Variants in SCPEP1 observed in about 807,000 individuals in gnomAD.
SCPEP1 encodes the protein serine carboxypeptidase 1.
In SCPEP1, 51 loss-of-function variants were observed where a neutral mutation model predicts 63.8. The ratio of observed to expected loss-of-function variants is 0.80; its 90% CI spans 0.64 to 1.01. The LOEUF is 1.01. Among genes scored for constraint, SCPEP1 ranks in the 50% least tolerant of loss-of-function variants. The probability of loss-of-function intolerance (pLI) is 0.00; values close to 1 mark genes in which losing one functional copy is unlikely to be tolerated. For synonymous variants in SCPEP1, 204 were observed against 207.8 expected (o/e 0.98, Z 0.16); for missense variants, 499 against 554.9 (o/e 0.90, Z 1.01).
intron 12 of SCPEP1, among the ~76,000 whole-genome samples, chr17:57,004,248 G>A (rs981123134): frequency 1.3e-5 from 2 of 152,174 alleles, no homozygotes; most frequent in Non-Finnish European, 2.9e-5. Flanking sequence ...AAATCAACTG[G>A]GCGCGGTGGC....
intron 10 of SCPEP1, 132 bp from the exon 11 acceptor site, chr17:57,000,723 C>T: frequency 9.6e-7 from 1 of 1,043,712 alleles, no homozygotes; most frequent in Non-Finnish European, 1.4e-6. Flanking sequence ...TGGGCTGGTT[C>T]ATCCCTGTTT....
chr17:56,978,135 C>G lies in SCPEP1; in HGVS notation c.-25C>G. On this transcript the variant is annotated 5_prime_UTR_variant, in exon 1 of 13. Coordinates refer to ENST00000262288, the MANE Select transcript of SCPEP1 (RefSeq NM_021626.3). ...ATGGGGCGCCGGGTCCAGCCTGTTG[C>G]TGATGCTGCCGTGCGGTACTTGTCA... is the stretch of plus-strand genomic sequence containing the variant. 1.9e-6 allele frequency: 2 copies of G among 1,065,574 alleles called. No homozygotes were observed. Among genetic ancestry groups the G allele is most frequent in the Non-Finnish European group, 2.7e-6 (2 of 747,730 alleles). 66.0% of individuals were successfully genotyped at this position (1,065,574 alleles called of 1,614,324 possible). A position where few individuals can be genotyped will look rare whatever the true frequency, so the allele number is the denominator to read the frequency against.
Position 56,991,100 on chromosome 17 carries a change from C to A in SCPEP1, c.548C>A (p.Ala183Asp). ...AAGIGLELYK[A>D]IQRGTIKCNF... Reference sequence around the variant, plus strand: ...GACGTTTCTTGTTTCCTCTTTCAGGCCATTCAGCGAGGGACCATCAAGTGC... The same window carrying A: ...GACGTTTCTTGTTTCCTCTTTCAGGACATTCAGCGAGGGACCATCAAGTGC... The change falls in exon 6 of 13, where the codon GCC becomes GAC. Residue 183 changes from alanine (A) to aspartate (D), a missense_variant and splice_region_variant. Coordinates refer to ENST00000262288, the MANE Select transcript of SCPEP1 (RefSeq NM_021626.3). 3 of 1,613,032 alleles carry A rather than the reference C, an allele frequency of 1.9e-6. No individual in the cohort carries two copies. The highest frequency in any genetic ancestry group is 1.7e-6 in the Non-Finnish European group (2 of 1,179,020).
intron 1 of SCPEP1, 26 bp from the exon 2 acceptor site, chr17:56,981,056 A>G (rs3095500): frequency 0.16 from 255,012 of 1,612,240 alleles, 21,322 homozygotes; most frequent in African/African-American, 0.24. Context: ...ACTCTTCTGG[A>G]GAGTGAAATT....
In SCPEP1 at chr17:56,987,831, G is replaced by A. The variant is rs748150413; in HGVS notation, c.452G>A (p.Ser151Asn). 1 of 1,614,088 alleles carries A rather than the reference G, an allele frequency of 6.2e-7. No individual in the cohort carries two copies. The highest frequency in any genetic ancestry group is 8.5e-7 in the Non-Finnish European group (1 of 1,180,002). Reference protein sequence around the residue: ...DMMVLLKTFFSCHKEFQTVPF... With the variant: ...DMMVLLKTFFNCHKEFQTVPF... ...ATGGTTCTCCTGAAGACCTTCTTCA[G>A]TTGCCACAAAGAATTCCAGGTAAGC... Residue 151 changes from serine to asparagine, a missense_variant, in exon 4 of 13, where the codon AGT (serine) becomes AAT (asparagine). Coordinates refer to ENST00000262288, the MANE Select transcript of SCPEP1 (RefSeq NM_021626.3).
chr17:57,001,831 G>A (rs1911747126), intron 11 of SCPEP1, among the ~76,000 whole-genome samples, 187 bp from the exon 12 acceptor site: 1 of 152,202 alleles, frequency 6.6e-6, no homozygotes, highest in South Asian at 2.1e-4. Flanking sequence ...AGGTTTCACT[G>A]GGAGTCAGAA....
At chr17:57,004,879 TG>T (rs1442103477) in intron 12 of SCPEP1, among the ~76,000 whole-genome samples, 3 of 151,368 alleles carry the variant, frequency 2.0e-5, no homozygotes, top group Non-Finnish European at 2.9e-5. Flanking sequence ...TTTTCTTGCA[TG>T]TAGTCACACA....
intron 11 of SCPEP1, 124 bp downstream of exon 11, chr17:57,001,116 C>T: frequency 2.0e-6 from 2 of 1,017,424 alleles, no homozygotes; most frequent in Non-Finnish European, 3.0e-6. Flanking sequence ...GGCCATTTCC[C>T]ATTACATCCG....
rs1329476390 is a variant in SCPEP1 at position 57,006,154 on chromosome 17, A to C, written c.1297-19A>C. 6.2e-7 allele frequency: 1 copy of C among 1,602,438 alleles called. No homozygotes were observed. The highest frequency in any genetic ancestry group is 8.5e-7 in the Non-Finnish European group (1 of 1,173,088). On this transcript the variant is annotated intron_variant, in intron 12 of 12. Coordinates refer to ENST00000262288, the MANE Select transcript of SCPEP1 (RefSeq NM_021626.3). Reference sequence around the variant, plus strand: ...GGAATAGCACCAGGAGCACTAACTCAGATGTTGTTTTTTTCTAGGTTCCTT... The same window carrying C: ...GGAATAGCACCAGGAGCACTAACTCCGATGTTGTTTTTTTCTAGGTTCCTT...
At chr17:56,990,308 C>T (rs921315315) in intron 5 of SCPEP1, among the ~76,000 whole-genome samples, 5 of 152,016 alleles carry the variant, frequency 3.3e-5, no homozygotes, top group African/African-American at 1.2e-4. Flanking sequence ...CCTTCTATCT[C>T]CTATGTTTGA....
At chr17:56,982,675 G>C (rs1911103567) in intron 2 of SCPEP1, 1 of 152,088 alleles carries the variant, frequency 6.6e-6, no homozygotes, top group Non-Finnish European at 1.5e-5. Context: ...TCCTCCTCTG[G>C]GCCTTGGCTG....
chr17:56,990,969 A>G, intron 5 of SCPEP1, 130 bp from the exon 6 acceptor site: 1 of 753,282 alleles, frequency 1.3e-6, no homozygotes, highest in South Asian at 1.5e-5. Flanking sequence ...TGGGGGTCTC[A>G]CTACATTGCC....
intron 9 of SCPEP1, 52 bp from the exon 10 acceptor site, chr17:56,998,333 T>TCTTGGCCTTA: frequency 8.8e-7 from 1 of 1,141,910 alleles, no homozygotes; most frequent in Non-Finnish European, 1.3e-6. Context: ...AAAGATGTCC[T>TCTTGGCCTTA]CTTGGCCTTA....
At chr17:56,994,796 C>T in intron 6 of SCPEP1, 185 bp from the exon 7 acceptor site, 1 of 531,826 alleles carries the variant, frequency 1.9e-6, no homozygotes, top group South Asian at 2.2e-5. Context: ...CTTATCCCAC[C>T]TTCCAGACAC....
At chr17:56,998,850 A>G (rs1911653727) in intron 10 of SCPEP1, among the ~76,000 whole-genome samples, 1 of 152,178 alleles carries the variant, frequency 6.6e-6, no homozygotes, top group East Asian at 1.9e-4. Flanking sequence ...ACTACTTGGG[A>G]GGCTGAGGTG....
At chr17:56,978,889 C>G (rs902829650) in intron 1 of SCPEP1, among the ~76,000 whole-genome samples, 3 of 152,084 alleles carry the variant, frequency 2.0e-5, no homozygotes, top group African/African-American at 7.2e-5. Context: ...ATCATCTGGC[C>G]CTTAGGCGAG....
At chr17:56,990,447 T>C (rs1911359510) in intron 5 of SCPEP1, among the ~76,000 whole-genome samples, 1 of 152,230 alleles carries the variant, frequency 6.6e-6, no homozygotes. Context: ...AAACTTCACC[T>C]TCCCACCTGA....
At position 57,004,015 on chromosome 17, in the gene SCPEP1, A is replaced by G. The variant is rs552448935; in HGVS notation, c.1296+1834A>G. On this transcript the variant is annotated intron_variant, in intron 12 of 12. Coordinates refer to ENST00000262288, the MANE Select transcript of SCPEP1 (RefSeq NM_021626.3). ...GGAGTATGAGACCAGCTTGGCTAAC[A>G]TGGAGAAACCCTATCTTTACTAAAA... 1.2e-4 allele frequency among the ~76,000 whole-genome samples: 19 copies of G among 152,290 alleles called. No homozygotes were observed. In the South Asian group the frequency reaches 3.9e-3, roughly 32 times the overall value.
chr17:56,978,936 A>G (rs913529558), intron 1 of SCPEP1, among the ~76,000 whole-genome samples: 6 of 152,112 alleles, frequency 3.9e-5, no homozygotes, highest in Admixed American at 1.3e-4. Flanking sequence ...AGCTCTGCCA[A>G]TTTTACCAGT....
Sources: gnomAD v4.1 joint callset for allele counts (sites outside exome capture counted in the v4.1 genomes callset) on GRCh38, gnomAD v4.1.1 for gene constraint, MANE v1.5 for transcripts, NCBI Gene and HGNC (gene_info 2026-07-23, HGNC 2026-07-21) for gene names.